Variants in GPC5 observed in about 807,000 individuals in gnomAD.
GPC5 encodes the protein glypican 5.
A neutral mutation model predicts 53.9 loss-of-function variants in GPC5; 47 were observed. The ratio of observed to expected loss-of-function variants is 0.87; its 90% CI spans 0.69 to 1.11. The LOEUF (loss-of-function observed/expected upper bound fraction) is 1.11. Among genes scored for constraint, GPC5 ranks in the 50% most tolerant of loss-of-function variants. The pLI is 0.00. For synonymous variants in GPC5, 286 were observed against 263.3 expected, an observed-to-expected ratio of 1.09 and a Z score of -0.84; for missense variants, 748 against 713.1, an observed-to-expected ratio of 1.05 and a Z score of -0.56.
intron 7 of GPC5, among the ~76,000 whole-genome samples, chr13:92,333,501 C>A (rs544448579): frequency 1.3e-5 from 2 of 152,016 alleles, no homozygotes; most frequent in African/African-American, 4.8e-5. Context: ...AATCTTTGGC[C>A]TACTCTAGTC....
chr13:92,212,159 G>A (rs1360393), intron 7 of GPC5, among the ~76,000 whole-genome samples: 5,909 of 152,044 alleles, frequency 0.039, 260 homozygotes, highest in African/African-American at 0.11. Context: ...CTGAGAGGAT[G>A]CCATGCAGTT....
In GPC5 at chr13:92,861,431, T is replaced by C. The variant is rs1168641157; in HGVS notation, c.1562-4851T>C. Among the ~76,000 whole-genome samples the C allele has an allele frequency of 2.0e-5, 3 of 152,206 alleles. No homozygotes were observed. The East Asian group carries it at 5.8e-4, about 29-fold the overall frequency. On this transcript the variant is annotated intron_variant, in intron 7 of 7. Transcript: ENST00000377067. ...TCCTCTCTGTCTTGCTTTTAACACC[T>C]GGACAATAGATAATTGACACTTCAT...
chr13:91,724,849 C>G (rs564559752), intron 3 of GPC5, among the ~76,000 whole-genome samples: 6 of 151,964 alleles, frequency 3.9e-5, no homozygotes, highest in Admixed American at 6.5e-5. Context: ...AGAGTGAGAT[C>G]CTGTCTGGAA....
At chr13:91,501,240 G>GTTTT (rs140865584) in intron 2 of GPC5, among the ~76,000 whole-genome samples, 5 of 106,422 alleles carry the variant, frequency 4.7e-5, no homozygotes, top group East Asian at 2.8e-4. Context: ...TTAAGACTTT[G>GTTTT]TTTTTTTTTT....
At chr13:92,044,579 G>A (rs1414889831) in intron 6 of GPC5, among the ~76,000 whole-genome samples, 2 of 152,212 alleles carry the variant, frequency 1.3e-5, no homozygotes, top group African/African-American at 4.8e-5. Context: ...ATATCTGATT[G>A]GCAAAACATA....
chr13:91,638,486 G>A (rs1326747), intron 2 of GPC5, among the ~76,000 whole-genome samples: 2 of 151,974 alleles, frequency 1.3e-5, no homozygotes, highest in Non-Finnish European at 2.9e-5. Flanking sequence ...CTACCCCAGC[G>A]TCCCAAGTAG....
intron 7 of GPC5, among the ~76,000 whole-genome samples, chr13:92,805,691 G>A (rs1877071472): frequency 6.6e-6 from 1 of 151,902 alleles, no homozygotes. Context: ...TCCCAGTTTG[G>A]TCTCCCAAAG....
intron 7 of GPC5, among the ~76,000 whole-genome samples, chr13:92,542,825 G>A (rs1414222369): frequency 3.3e-5 from 5 of 151,962 alleles, no homozygotes; most frequent in African/African-American, 1.2e-4. Context: ...TTCCTGGCAT[G>A]TAAGTTTTCT....
chr13:91,857,492 C>T (rs2038979309), intron 5 of GPC5, among the ~76,000 whole-genome samples: 1 of 150,872 alleles, frequency 6.6e-6, no homozygotes, highest in Non-Finnish European at 1.5e-5. Flanking sequence ...TTTATTTTCA[C>T]ATATTGGTCT....
chr13:92,325,904 A>G (rs1471422743), intron 7 of GPC5, among the ~76,000 whole-genome samples: 1 of 152,070 alleles, frequency 6.6e-6, no homozygotes, highest in Non-Finnish European at 1.5e-5. Context: ...ATTGATGGAT[A>G]GGTTCATTAT....
intron 3 of GPC5, among the ~76,000 whole-genome samples, chr13:91,698,947 T>G (rs2035939292): frequency 2.0e-5 from 3 of 152,156 alleles, no homozygotes; most frequent in Admixed American, 1.3e-4. Context: ...ATGCAAACTA[T>G]TGCATATAAT....
intron 5 of GPC5, among the ~76,000 whole-genome samples, chr13:91,820,745 C>T (rs2038479478): frequency 1.3e-5 from 2 of 152,100 alleles, no homozygotes; most frequent in Admixed American, 6.6e-5. Context: ...GGGAGGATCA[C>T]GAGGTCAGGA....
chr13:92,834,482 T>C (rs981894925), intron 7 of GPC5, among the ~76,000 whole-genome samples: 7 of 152,076 alleles, frequency 4.6e-5, no homozygotes, highest in Non-Finnish European at 7.4e-5. Context: ...TGTATCTAGA[T>C]AGAAATTATA....
At chr13:92,486,000 A>T (rs1165733410) in intron 7 of GPC5, among the ~76,000 whole-genome samples, 3 of 152,144 alleles carry the variant, frequency 2.0e-5, no homozygotes. Flanking sequence ...AAAATTATGT[A>T]GTTAGATTGA....
chr13:91,897,694 G>GA (rs1306459087), intron 5 of GPC5, among the ~76,000 whole-genome samples: 4 of 152,110 alleles, frequency 2.6e-5, no homozygotes, highest in African/African-American at 4.8e-5. Context: ...GTGAAGAAAG[G>GA]AAAAAAATTC....
intron 7 of GPC5, among the ~76,000 whole-genome samples, chr13:92,302,340 G>A (rs2043081693): frequency 2.0e-5 from 3 of 152,070 alleles, no homozygotes; most frequent in Admixed American, 1.3e-4. Flanking sequence ...CTATGCACGT[G>A]AATTAAATGA....
At chr13:92,372,650 A>G (rs2043660485) in intron 7 of GPC5, among the ~76,000 whole-genome samples, 1 of 152,208 alleles carries the variant, frequency 6.6e-6, no homozygotes, top group Admixed American at 6.5e-5. Flanking sequence ...CAAATATGTG[A>G]CCACAACCTT....
At chr13:92,220,696 T>C (rs936543877) in intron 7 of GPC5, among the ~76,000 whole-genome samples, 10 of 152,224 alleles carry the variant, frequency 6.6e-5, no homozygotes, top group African/African-American at 2.4e-4. Context: ...GATATTAATT[T>C]TGAAGGAAGT....
intron 7 of GPC5, among the ~76,000 whole-genome samples, chr13:92,440,308 A>G (rs1877495329): frequency 6.6e-6 from 1 of 152,050 alleles, no homozygotes; most frequent in Admixed American, 6.6e-5. Flanking sequence ...TTATGTCTAT[A>G]AGGGCCCAAT....
Sources: allele counts gnomAD v4.1 joint callset (sites outside exome capture counted in the v4.1 genomes callset), GRCh38; gene constraint gnomAD v4.1.1; transcripts MANE v1.5; gene names NCBI Gene and HGNC (gene_info 2026-07-23, HGNC 2026-07-21).